Variants in MYO18A observed in about 807,000 individuals in gnomAD.
The protein encoded by MYO18A is unconventional myosin-XVIIIa.
Under a neutral mutation model 235.8 loss-of-function variants are expected in MYO18A, and 78 were observed. The ratio of observed to expected loss-of-function variants is 0.33; its 90% CI spans 0.28 to 0.40. The LOEUF (loss-of-function observed/expected upper bound fraction) is 0.40, where lower values mean the gene tolerates loss of function less well. Ranked by LOEUF, MYO18A falls within the 10% of genes least tolerant of loss-of-function variation. MYO18A has a pLI of 1.00. For missense variants in MYO18A, 2,215 were observed against 2,699.3 expected (o/e 0.82, Z 3.98); for synonymous variants, 977 against 1,077.8 (o/e 0.91, Z 1.83).
rs548988712 is a variant in MYO18A, at chr17:29,111,641, G to A, written c.2741-58C>T. 1.6e-5 allele frequency: 25 copies of A among 1,611,166 alleles called. No homozygotes were observed. In the East Asian group the frequency reaches 3.1e-4, roughly 20 times the overall value. On this transcript the variant is annotated intron_variant, in intron 16 of 41. Coordinates refer to ENST00000527372, the MANE Select transcript of MYO18A (RefSeq NM_078471.4). The surrounding 1 kb of genome is among the most constrained non-coding windows in gnomAD (Gnocchi z 5.1). The stretch of plus-strand genomic sequence containing the variant: ...AGGGTACAGGCACAAAGTGACCCCC[G>A]CCCCCTCCCAGGGAGTGCCACCTGG...
intron 2 of MYO18A, among the ~76,000 whole-genome samples, chr17:29,129,344 C>CT (rs2067404928): frequency 1.3e-5 from 2 of 152,182 alleles, no homozygotes; most frequent in Non-Finnish European, 2.9e-5. Flanking sequence ...CCCTAGTTCC[C>CT]AGAGTGTGTA....
chr17:29,099,564 G>A (rs1490280018), intron 22 of MYO18A, 70 bp downstream of exon 22: 1 of 1,557,618 alleles, frequency 6.4e-7, no homozygotes, highest in Non-Finnish European at 8.7e-7. Flanking sequence ...CCCCCTTATA[G>A]CCCCCACCCC....
chr17:29,082,510 T>G, intron 40 of MYO18A, 72 bp from the exon 41 acceptor site: 2 of 1,523,544 alleles, frequency 1.3e-6, no homozygotes, highest in South Asian at 1.2e-5. Flanking sequence ...CAGATGGGGG[T>G]GCAGGGGGTG....
rs1226489343 is a variant in MYO18A at position 29,131,433 on chromosome 17, C to T, written c.1000-9180G>A. ...CCAGGCTTTGGCAGAGTTTTGTCCT[C>T]CTCTTTAACCTGAGGGAGCAGATGA... On this transcript the variant is annotated intron_variant, in intron 2 of 41. Transcript: ENST00000527372. 11 of 985,644 alleles carry T rather than the reference C, an allele frequency of 1.1e-5. No individual in the cohort carries two copies. In the Admixed American group the frequency reaches 5.5e-4, roughly 50 times the overall value. 61.1% of individuals were successfully genotyped at this position (985,644 alleles called of 1,614,324 possible).
Position 29,158,396 on chromosome 17 carries a change from C to T in MYO18A, c.999+7546G>A, listed in dbSNP as rs1325689143. On this transcript the variant is annotated intron_variant, in intron 2 of 41. Coordinates refer to ENST00000527372, the MANE Select transcript of MYO18A (RefSeq NM_078471.4). The surrounding 1 kb of genome is among the most constrained non-coding windows in gnomAD (Gnocchi z 4.3). ...AAAAATAAGCTTTGCTAACACTGTC[C>T]CCTGTATTTAACAGAACAGAAGCTG... is the stretch of plus-strand genomic sequence containing the variant. Among the ~76,000 whole-genome samples the T allele has an allele frequency of 6.6e-6, 1 of 152,222 alleles. No individual in the cohort carries two copies. Among genetic ancestry groups the T allele is most frequent in the African/African-American group, 2.4e-5 (1 of 41,466 alleles).
intron 38 of MYO18A, 91 bp downstream of exon 38, chr17:29,086,845 C>T (rs911472685): frequency 4.6e-5 from 65 of 1,422,862 alleles, no homozygotes; most frequent in African/African-American, 2.0e-4. Context: ...TTTCTTTGCA[C>T]CCTATCCTCA....
Position 29,120,586 on chromosome 17 carries a change from A to G in MYO18A, c.1728+30T>C, listed in dbSNP as rs780216242. 6.3e-5 allele frequency: 101 copies of G among 1,604,736 alleles called. No homozygotes were observed. Among genetic ancestry groups the G allele is most frequent in the Non-Finnish European group, 8.2e-5 (96 of 1,175,274 alleles). Reference sequence around the variant, plus strand: ...CATGAAATCATGTGGCCTGTGTCCTACTACCCCGAGTCCTGGGCAGCACTC... The same window carrying G: ...CATGAAATCATGTGGCCTGTGTCCTGCTACCCCGAGTCCTGGGCAGCACTC... On this transcript the variant is annotated intron_variant, in intron 7 of 41. Transcript: ENST00000527372. This position sits in a 1 kb window ranked among gnomAD's most constrained non-coding sequence, Gnocchi z 4.2.
At chr17:29,103,478 C>T (rs2066705853) in intron 21 of MYO18A, 121 bp downstream of exon 21, 1 of 1,007,246 alleles carries the variant, frequency 9.9e-7, no homozygotes, top group Non-Finnish European at 1.5e-6. Context: ...GGGGGCAAGA[C>T]TCAGAGGGCA....
rs751494314 is a variant in MYO18A, at chr17:29,093,999, C to T, written c.4802G>A (p.Arg1601Gln). 6.2e-6 allele frequency: 10 copies of T among 1,609,784 alleles called. No individual in the cohort carries two copies. Among genetic ancestry groups the T allele is most frequent in the African/African-American group, 1.3e-5 (1 of 74,796 alleles). Reference sequence around the variant, plus strand: ...CCTTACCTTCTTCTGACACGACTGCCGGGCCTCCTCCACCTCCTCATCCCG... The same window carrying T: ...CCTTACCTTCTTCTGACACGACTGCTGGGCCTCCTCCACCTCCTCATCCCG... ...ESRDEEVEEA[R>Q]QSCQKKLKQM... The change falls in exon 31 of 42, where the codon CGG becomes CAG. Residue 1601 changes from arginine to glutamine, a missense_variant. Physicochemically the swap from Arg to Gln is conservative, Grantham distance 43. Coordinates refer to ENST00000527372, the MANE Select transcript of MYO18A (RefSeq NM_078471.4).
rs201708609 is a variant in MYO18A, at chr17:29,093,950, G to A, written c.4821+30C>T. The A allele has an allele frequency of 1.4e-4, 215 of 1,511,818 alleles. No individual in the cohort carries two copies. In the African/African-American group the frequency reaches 1.8e-3, roughly 13 times the overall value. The allele number at this position is 1,511,818 out of a possible 1,614,324, so 93.7% of individuals were successfully genotyped here. A position where few individuals can be genotyped will look rare whatever the true frequency, so the allele number is the denominator to read the frequency against. On this transcript the variant is annotated intron_variant, in intron 31 of 41. Transcript: ENST00000527372. ...AGCGGTGATGGGAACAGGTGTTTAC[G>A]CTGGACAGGTAAGTACTCAGATACC... is the stretch of plus-strand genomic sequence containing the variant.
chr17:29,155,137 A>C (rs2152956064), intron 2 of MYO18A: 1 of 152,348 alleles, frequency 6.6e-6, no homozygotes, highest in African/African-American at 2.4e-5. Context: ...ATCTTCCTGC[A>C]CACGTCTTCT....
At chr17:29,169,969 G>A (rs955154358) in intron 1 of MYO18A, among the ~76,000 whole-genome samples, 2 of 152,208 alleles carry the variant, frequency 1.3e-5, no homozygotes, top group Non-Finnish European at 2.9e-5. Flanking sequence ...GCAGCAGGCA[G>A]GACAGCAGAC....
At chr17:29,135,970 G>A (rs915615161) in intron 2 of MYO18A, among the ~76,000 whole-genome samples, 1 of 152,206 alleles carries the variant, frequency 6.6e-6, no homozygotes, top group Admixed American at 6.5e-5. Context: ...GCTCACGCCT[G>A]TAATCCCAGA....
At position 29,121,066 on chromosome 17, in the gene MYO18A, G is replaced by A; in HGVS notation, c.1517C>T (p.Thr506Ile). ...LLGSSGSGKT[T>I]SCQHLVQYLA... ...GTACTGCACCAGATGCTGGCAGCTGGTGGTCTTGCCACTGCCACTACTGCC... is the reference window on the plus strand; with the variant it reads ...GTACTGCACCAGATGCTGGCAGCTGATGGTCTTGCCACTGCCACTACTGCC... The change falls in exon 6 of 42, where the codon ACC becomes ATC. Residue 506 changes from threonine (T) to isoleucine (I), a missense_variant. Transcript: ENST00000527372. The surrounding 1 kb of genome is among the most constrained non-coding windows in gnomAD (Gnocchi z 4.2). The A allele has an allele frequency of 6.2e-7, 1 of 1,612,916 alleles. No homozygotes were observed. The highest frequency in any genetic ancestry group is 1.1e-5 in the South Asian group (1 of 90,750).
chr17:29,112,517 C>A (rs1330221433), intron 15 of MYO18A, among the ~76,000 whole-genome samples: 1 of 152,242 alleles, frequency 6.6e-6, no homozygotes, highest in Non-Finnish European at 1.5e-5. Context: ...GCTAGCTGCT[C>A]TCCTGGAAGA....
intron 30 of MYO18A, 130 bp downstream of exon 30, chr17:29,094,518 TTG>T: frequency 2.2e-6 from 2 of 915,116 alleles, no homozygotes; most frequent in Non-Finnish European, 1.7e-6. Flanking sequence ...ACTCCACATT[TTG>T]TGAGTAGGTG....
chr17:29,165,902 C>T, intron 2 of MYO18A, 40 bp downstream of exon 2: 1 of 1,570,070 alleles, frequency 6.4e-7, no homozygotes, highest in East Asian at 2.3e-5. Flanking sequence ...GCCCACATTC[C>T]CCATCCCTGC....
rs545126080 is a variant in MYO18A, at chr17:29,085,648, A to G, written c.5853T>C (p.Ser1951=). 6.2e-7 allele frequency: 1 copy of G among 1,614,056 alleles called. No homozygotes were observed. The highest frequency in any genetic ancestry group is 1.7e-5 in the Admixed American group (1 of 60,026). Residue 1951 remains serine (S), a splice_region_variant and synonymous_variant, in exon 40 of 42, where the codon AGT becomes AGC. Coordinates refer to ENST00000527372, the MANE Select transcript of MYO18A (RefSeq NM_078471.4). ...ESDENEDLIN[S]LQDMVTKYQK... ...GATACTTTGTCACCATGTCCTGCAA[A>G]CTGGAAATAGAAGGAAAATGGTGGG...
chr17:29,097,941 C>A, intron 25 of MYO18A, 42 bp from the exon 26 acceptor site: 1 of 1,587,844 alleles, frequency 6.3e-7, no homozygotes, highest in South Asian at 1.1e-5. Flanking sequence ...TCCATCCCCT[C>A]ATACCCACTC....
Sources: gnomAD v4.1 joint callset for allele counts (sites outside exome capture counted in the v4.1 genomes callset) on GRCh38, gnomAD v4.1.1 for gene constraint, Gnocchi (gnomAD v3.1) non-coding constraint, MANE v1.5 for transcripts, NCBI Gene and HGNC (gene_info 2026-07-23, HGNC 2026-07-21) for gene names.